SEPTIN10: variants seen among roughly 807,000 people sequenced by gnomAD.
The protein encoded by SEPTIN10 is septin-10.
Under a neutral mutation model 54.8 loss-of-function variants are expected in SEPTIN10, and 66 were observed. That is an observed-to-expected ratio of 1.21 (90% confidence interval 0.99 to 1.48). The LOEUF (loss-of-function observed/expected upper bound fraction) is 1.48. Among genes scored for constraint, SEPTIN10 ranks in the 40% most tolerant of loss-of-function variants. The pLI is 0.00. For synonymous variants in SEPTIN10, 161 were observed against 181.0 expected (o/e 0.89, Z 0.89); for missense variants, 620 against 545.6 (o/e 1.14, Z -1.36).
At chr2:109,606,898 C>G (rs1424119648) in intron 1 of SEPTIN10, among the ~76,000 whole-genome samples, 1 of 152,012 alleles carries the variant, frequency 6.6e-6, no homozygotes, top group East Asian at 1.9e-4. Flanking sequence ...GTGACCCACC[C>G]ACCTCAGCCT....
chr2:109,552,413 T>C (rs948303533), intron 9 of SEPTIN10: 2 of 152,224 alleles, frequency 1.3e-5, no homozygotes, highest in African/African-American at 4.8e-5. Context: ...AAAATGTTTA[T>C]AGCTCATGGT....
At chr2:109,564,675 A>G (rs1686543541) in intron 7 of SEPTIN10, 141 bp from the exon 8 acceptor site, 1 of 680,698 alleles carries the variant, frequency 1.5e-6, no homozygotes, top group Non-Finnish European at 2.2e-6. Flanking sequence ...AGCTACGATT[A>G]TTTTATACAT....
At chr2:109,548,930 C>G (rs28583991) in intron 9 of SEPTIN10, among the ~76,000 whole-genome samples, 78,867 of 151,948 alleles carry the variant, frequency 0.52, 21,631 homozygotes, top group African/African-American at 0.7. Context: ...GAGCCAGTGA[C>G]CACCTGATAG....
intron 8 of SEPTIN10, among the ~76,000 whole-genome samples, chr2:109,559,183 G>A (rs1685062629): frequency 1.3e-5 from 2 of 152,122 alleles, no homozygotes; most frequent in Admixed American, 6.5e-5. Context: ...ACCACGCCTG[G>A]CCAGATATAA....
At chr2:109,576,301 G>T (rs1689665890) in intron 4 of SEPTIN10, among the ~76,000 whole-genome samples, 1 of 151,926 alleles carries the variant, frequency 6.6e-6, no homozygotes, top group Non-Finnish European at 1.5e-5. Context: ...GTCTCGTTGT[G>T]TTGCCCGGGC....
intron 5 of SEPTIN10, among the ~76,000 whole-genome samples, chr2:109,574,152 CCAGGCGCTGGG>C (rs1052352882): frequency 5.9e-4 from 89 of 152,076 alleles, no homozygotes; most frequent in African/African-American, 2.1e-3. Flanking sequence ...TTAAAGATTT[CCAGGCGCTGGG>C]CATGGTGGCT....
intron 4 of SEPTIN10, among the ~76,000 whole-genome samples, chr2:109,580,372 G>A (rs72824796): frequency 6.9e-6 from 1 of 145,478 alleles, no homozygotes. Context: ...AAAATCTGGT[G>A]AAAGCATATA....
chr2:109,561,008 T>A (rs894926939), intron 8 of SEPTIN10, among the ~76,000 whole-genome samples: 9 of 152,176 alleles, frequency 5.9e-5, no homozygotes, highest in Admixed American at 5.2e-4. Context: ...TCCTTCACAT[T>A]AGAGCAAATA....
At chr2:109,566,057 G>A (rs1290859440) in intron 6 of SEPTIN10, among the ~76,000 whole-genome samples, 198 bp from the exon 7 acceptor site, 1 of 152,010 alleles carries the variant, frequency 6.6e-6, no homozygotes, top group Non-Finnish European at 1.5e-5. Flanking sequence ...GCCCCATAAA[G>A]AAAAGTATTT....
chr2:109,545,020 T>C (rs541046043), intron 10 of SEPTIN10: 10 of 985,438 alleles, frequency 1.0e-5, no homozygotes, highest in Middle Eastern at 5.2e-4. Flanking sequence ...TATTTAAAAA[T>C]TGAAAGCCAC....
At position 109,572,052 on chromosome 2, in the gene SEPTIN10, T is replaced by C. The variant is rs191751159; in HGVS notation, c.600+2529A>G. Among the ~76,000 whole-genome samples the C allele has an allele frequency of 3.0e-3, 455 of 152,332 alleles. 6 individuals are homozygous for C. The highest frequency in any genetic ancestry group is 1.1e-3 in the Non-Finnish European group (76 of 68,028). On this transcript the variant is annotated intron_variant, in intron 5 of 10. Coordinates refer to ENST00000397712, the MANE Select transcript of SEPTIN10 (RefSeq NM_144710.5). ...AGAGGTGCTTCATATATGCCAGGCA[T>C]TGTACTAAATGCTTCGTAATATTCA...
chr2:109,599,659 A>G (rs1696181481), intron 1 of SEPTIN10, among the ~76,000 whole-genome samples: 1 of 152,124 alleles, frequency 6.6e-6, no homozygotes, highest in African/African-American at 2.4e-5. Flanking sequence ...ATCAAAAGTT[A>G]AAGGATAACT....
intron 1 of SEPTIN10, among the ~76,000 whole-genome samples, chr2:109,610,095 G>GTTT (rs554268137): frequency 7.0e-6 from 1 of 143,432 alleles, no homozygotes; most frequent in Non-Finnish European, 1.5e-5. Flanking sequence ...TCCCTGAGGT[G>GTTT]TTTTTTTTTT....
intron 4 of SEPTIN10, among the ~76,000 whole-genome samples, chr2:109,581,989 C>T (rs969272343): frequency 6.6e-6 from 1 of 151,836 alleles, no homozygotes; most frequent in Admixed American, 6.6e-5. Context: ...AGATGCAAAA[C>T]CAATGTACAA....
In SEPTIN10 at chr2:109,545,799, G is replaced by A; in HGVS notation, c.1349+251C>T. 3 of 1,424,782 alleles carry A rather than the reference G, an allele frequency of 2.1e-6. No homozygotes were observed. The Admixed American group carries it at 8.7e-5, about 41-fold the overall frequency. 88.3% of individuals were successfully genotyped at this position (1,424,782 alleles called of 1,614,324 possible). On this transcript the variant is annotated intron_variant, in intron 10 of 10. Coordinates refer to ENST00000397712, the MANE Select transcript of SEPTIN10 (RefSeq NM_144710.5). ...TAACTGATCCTTTTCACACTGTGAT[G>A]TATTTTTATTTTGTTCATTCATTCA... is the stretch of plus-strand genomic sequence containing the variant.
In SEPTIN10 at chr2:109,543,582, A is replaced by T. The variant is rs1680456439; in HGVS notation, c.*727T>A. On this transcript the variant is annotated 3_prime_UTR_variant, in exon 11 of 11. Transcript: ENST00000397712. ...TACATCCCAAAACATATTCCCCAAA[A>T]TTTTTAGCATATATAAAAAAGGTTC... 1 of 152,204 alleles carries T rather than the reference A, an allele frequency of 6.6e-6. No individual in the cohort carries two copies. Among genetic ancestry groups the T allele is most frequent in the African/African-American group, 2.4e-5 (1 of 41,438 alleles). The allele number at this position is 152,204 out of a possible 1,614,324, so 9.4% of individuals were successfully genotyped here. A position where few individuals can be genotyped will look rare whatever the true frequency, so the allele number is the denominator to read the frequency against.
rs143337390 is a variant in SEPTIN10, at chr2:109,583,592, G to C, written c.413+1534C>G. Among the ~76,000 whole-genome samples, 1,449 of 152,250 alleles carry C rather than the reference G, an allele frequency of 9.5e-3. 66 individuals are homozygous for C. In the East Asian group the frequency reaches 0.13, roughly 13 times the overall value. On this transcript the variant is annotated intron_variant, in intron 4 of 10. Transcript: ENST00000397712. ...GAAAGCAGTTTGGAGATTTCTCAAA[G>C]AACTTAAACCAGAACTACCATTCGA...
At chr2:109,568,048 CA>C in intron 5 of SEPTIN10, 72 bp from the exon 6 acceptor site, 1 of 1,170,516 alleles carries the variant, frequency 8.5e-7, no homozygotes, top group Non-Finnish European at 1.2e-6. Flanking sequence ...TTTTTTCACT[CA>C]AAACTGTTCA....
chr2:109,557,952 C>T (rs1259635660), intron 8 of SEPTIN10, among the ~76,000 whole-genome samples: 3 of 151,398 alleles, frequency 2.0e-5, no homozygotes, highest in African/African-American at 7.3e-5. Context: ...GCCACCACAG[C>T]TGGTTAATTT....
Sources: allele counts gnomAD v4.1 joint callset (sites outside exome capture counted in the v4.1 genomes callset), GRCh38; gene constraint gnomAD v4.1.1; transcripts MANE v1.5; gene names NCBI Gene and HGNC (gene_info 2026-07-23, HGNC 2026-07-21).